The following ACAA2 variants were observed in gnomAD, a reference collection of about 807,000 sequenced individuals.
ACAA2 encodes the protein acetyl-CoA acyltransferase 2.
A neutral mutation model predicts 44.8 loss-of-function variants in ACAA2; 35 were observed. The ratio of observed to expected loss-of-function variants is 0.78; its 90% CI spans 0.60 to 1.04. The LOEUF is 1.04. Ranked by LOEUF, ACAA2 falls within the 50% of genes least tolerant of loss-of-function variation. The pLI, the probability that ACAA2 is intolerant of heterozygous loss-of-function variation, is 0.00. For missense variants in ACAA2, 468 were observed against 482.6 expected (o/e 0.97, Z 0.28); for synonymous variants, 142 against 166.5 (o/e 0.85, Z 1.13).
Position 49,787,320 on chromosome 18 carries a change from G to A in ACAA2, c.925C>T (p.Leu309=), listed in dbSNP as rs536329631. ...ACCAAATCCATGTCCTTAAGACTCA[G>A]TCCTGCTTTCTTCAGTGCCCCACTG... The part of the protein sequence containing the change: ...AISGALKKAG[L]SLKDMDLVEV... Residue 309 remains leucine, a synonymous_variant, in exon 8 of 10, where the codon CTG becomes TTG. Coordinates refer to ENST00000285093, the MANE Select transcript of ACAA2 (RefSeq NM_006111.3). The A allele has an allele frequency of 6.3e-6, 9 of 1,439,936 alleles. No individual in the cohort carries two copies. The South Asian group carries it at 1.0e-4, about 17-fold the overall frequency. The allele number at this position is 1,439,936 out of a possible 1,614,324, so 89.2% of individuals were successfully genotyped here.
intron 1 of ACAA2, among the ~76,000 whole-genome samples, chr18:49,809,492 A>C (rs777768845): frequency 6.6e-6 from 1 of 152,230 alleles, no homozygotes; most frequent in Non-Finnish European, 1.5e-5. Flanking sequence ...GTCCTTCAAC[A>C]GGTGAATGGA....
intron 1 of ACAA2, among the ~76,000 whole-genome samples, chr18:49,808,658 C>T (rs140510783): frequency 4.6e-5 from 7 of 151,924 alleles, no homozygotes; most frequent in African/African-American, 1.2e-4. Context: ...AGCAGGTGTA[C>T]GAACAGGGAG....
chr18:49,797,462 A>G lies in ACAA2; in HGVS notation c.312+4T>C. The G allele has an allele frequency of 4.4e-6, 7 of 1,603,584 alleles. No homozygotes were observed. The highest frequency in any genetic ancestry group is 5.9e-6 in the Non-Finnish European group (7 of 1,177,424). ...CAGAGAATTTAAAAAAATGTTGTCC[A>G]TACCTGACATCCATTCACAATGGAC... On this transcript the variant is annotated splice_donor_region_variant and intron_variant, in intron 3 of 9. Transcript: ENST00000285093.
intron 1 of ACAA2, among the ~76,000 whole-genome samples, chr18:49,810,297 T>G (rs1016291399): frequency 6.6e-6 from 1 of 152,176 alleles, no homozygotes; most frequent in African/African-American, 2.4e-5. Context: ...TGTCAAACTT[T>G]TGAAATCCAA....
chr18:49,789,542 C>T (rs1229040588), intron 7 of ACAA2, among the ~76,000 whole-genome samples: 2 of 152,184 alleles, frequency 1.3e-5, no homozygotes, highest in African/African-American at 4.8e-5. Context: ...GGAAGGAAAA[C>T]AACGCTTTCT....
Position 49,802,015 on chromosome 18 carries a change from CAACA to C in ACAA2, c.183+668_183+671del, listed in dbSNP as rs1172053193. On this transcript the variant is annotated intron_variant, in intron 2 of 9. Transcript: ENST00000285093. Reference sequence around the variant, plus strand: ...GGGTAAGGAAGCATCTTATTTCTTACAACAAACACTGATCAAGCTCCTACAATGT... The same window carrying C: ...GGGTAAGGAAGCATCTTATTTCTTACAACACTGATCAAGCTCCTACAATGT... 2.0e-5 allele frequency among the ~76,000 whole-genome samples: 3 copies of C among 152,070 alleles called. No individual in the cohort carries two copies. In the East Asian group the frequency reaches 5.8e-4, roughly 29 times the overall value.
chr18:49,793,995 C>G (rs973354069), intron 5 of ACAA2, among the ~76,000 whole-genome samples: 1 of 152,190 alleles, frequency 6.6e-6, no homozygotes, highest in African/African-American at 2.4e-5. Flanking sequence ...TCATCATGTT[C>G]TACTGACAAC....
rs1291975695 is a variant in ACAA2, at chr18:49,792,312, T to G, written c.593A>C (p.Tyr198Ser). 6.2e-7 allele frequency: 1 copy of G among 1,613,460 alleles called. No homozygotes were observed. The highest frequency in any genetic ancestry group is 8.5e-7 in the Non-Finnish European group (1 of 1,179,636). The change falls in exon 6 of 10, where the codon TAC (tyrosine) becomes TCC (serine). Residue 198 changes from tyrosine to serine, a missense_variant. Transcript: ENST00000285093. ...AATTGGTGCCATTTCATCATTAAAG[T>G]AGCCAGCATCATTAGCTGAAAAATA... is the stretch of plus-strand genomic sequence containing the variant. ...QRWKAANDAG[Y>S]FNDEMAPIEV... is the part of the protein sequence containing the mutation.
chr18:49,782,644 C>G lies in ACAA2; in HGVS notation c.*1203G>C, dbSNP rs752417952. The G allele has an allele frequency of 6.6e-6, 1 of 151,078 alleles. No individual in the cohort carries two copies. The highest frequency in any genetic ancestry group is 6.6e-5 in the Admixed American group (1 of 15,156). The allele number at this position is 151,078 out of a possible 1,614,324, so 9.4% of individuals were successfully genotyped here. ...CGGGTGGATCACGAGGTCAGGAGAT[C>G]GAGACCATCCTGGCTAACACGGTGA... On this transcript the variant is annotated 3_prime_UTR_variant, in exon 10 of 10. Coordinates refer to ENST00000285093, the MANE Select transcript of ACAA2 (RefSeq NM_006111.3).
chr18:49,810,502 A>G (rs1466625535), intron 1 of ACAA2, among the ~76,000 whole-genome samples: 1 of 152,144 alleles, frequency 6.6e-6, no homozygotes. Context: ...GAAATATGCA[A>G]TATCTACAAA....
intron 6 of ACAA2, 105 bp from the exon 7 acceptor site, chr18:49,791,704 G>A (rs2023401299): frequency 2.6e-6 from 3 of 1,165,980 alleles, no homozygotes; most frequent in Non-Finnish European, 3.7e-6. Flanking sequence ...TACATAGGAA[G>A]CCAGTGCACA....
chr18:49,806,207 A>T (rs1253207985), intron 1 of ACAA2, among the ~76,000 whole-genome samples: 1 of 152,236 alleles, frequency 6.6e-6, no homozygotes, highest in Non-Finnish European at 1.5e-5. Context: ...ACTCAGAAAC[A>T]GTCTTACTGG....
At chr18:49,787,205 T>C (rs2023340391) in intron 8 of ACAA2, 86 bp downstream of exon 8, 1 of 1,079,490 alleles carries the variant, frequency 9.3e-7, no homozygotes, top group Non-Finnish European at 1.2e-6. Context: ...CAAAGAGCAA[T>C]GAGACCAAAT....
chr18:49,809,155 C>T (rs1297759582), intron 1 of ACAA2, among the ~76,000 whole-genome samples: 3 of 152,124 alleles, frequency 2.0e-5, no homozygotes, highest in East Asian at 1.9e-4. Context: ...TCCTACTGCC[C>T]GACCCCGCAG....
intron 4 of ACAA2, among the ~76,000 whole-genome samples, chr18:49,794,690 G>A (rs1363076725): frequency 6.6e-6 from 1 of 152,178 alleles, no homozygotes; most frequent in Non-Finnish European, 1.5e-5. Flanking sequence ...AGGACTAGAC[G>A]TGCATGGTGA....
chr18:49,802,217 G>A (rs978742789), intron 2 of ACAA2, among the ~76,000 whole-genome samples: 14 of 152,220 alleles, frequency 9.2e-5, no homozygotes, highest in African/African-American at 3.1e-4. Context: ...TTTGAATTAT[G>A]CATGCTGTTG....
intron 7 of ACAA2, among the ~76,000 whole-genome samples, chr18:49,789,984 G>A (rs979521426): frequency 2.6e-5 from 4 of 152,058 alleles, no homozygotes; most frequent in Non-Finnish European, 5.9e-5. Context: ...TCTGCTCTTG[G>A]GCTCCACTCT....
Position 49,795,783 on chromosome 18 carries a change from C to G in ACAA2, c.411G>C (p.Lys137Asn). Residue 137 changes from lysine to asparagine, a missense_variant, in exon 4 of 10, where the codon AAG (lysine) becomes AAC (asparagine). Coordinates refer to ENST00000285093, the MANE Select transcript of ACAA2 (RefSeq NM_006111.3). ...TTCCAACCTTGATATCTGATCCAAG[C>G]TTGGTTCCAAAACGCACATTTCTGA... ...YCVRNVRFGTKLGSDIKLEDS... is the reference protein window; with the variant it reads ...YCVRNVRFGTNLGSDIKLEDS... 1 of 1,606,232 alleles carries G rather than the reference C, an allele frequency of 6.2e-7. No homozygotes were observed. Among genetic ancestry groups the G allele is most frequent in the Non-Finnish European group, 8.5e-7 (1 of 1,176,026 alleles).
chr18:49,808,209 A>C (rs2023630253), intron 1 of ACAA2, among the ~76,000 whole-genome samples: 1 of 152,160 alleles, frequency 6.6e-6, no homozygotes, highest in Non-Finnish European at 1.5e-5. Context: ...AACACCAAAC[A>C]CTGGTGAGGA....
Sources: allele counts gnomAD v4.1 joint callset (sites outside exome capture counted in the v4.1 genomes callset), GRCh38; gene constraint gnomAD v4.1.1; transcripts MANE v1.5; gene names NCBI Gene and HGNC (gene_info 2026-07-23, HGNC 2026-07-21).